The following KCNIP1 variants were observed in gnomAD, a reference collection of about 807,000 sequenced individuals.
KCNIP1 encodes A-type potassium channel modulatory protein KCNIP1.
Under a neutral mutation model 33.0 loss-of-function variants are expected in KCNIP1, and 18 were observed. The ratio of observed to expected loss-of-function variants is 0.55; its 90% CI spans 0.38 to 0.81. KCNIP1 has a LOEUF of 0.81. KCNIP1 is among the 30% of genes least tolerant of loss of function. The pLI is 0.00. For missense variants in KCNIP1, 238 were observed against 271.6 expected (o/e 0.88, Z 0.87); for synonymous variants, 93 against 98.3 (o/e 0.95, Z 0.32).
chr5:170,476,689 G>A (rs566470157), intron 1 of KCNIP1, among the ~76,000 whole-genome samples: 2 of 152,262 alleles, frequency 1.3e-5, no homozygotes, highest in Non-Finnish European at 2.9e-5. Flanking sequence ...GCAAATTTTG[G>A]TACAGAAAAT....
intron 1 of KCNIP1, among the ~76,000 whole-genome samples, chr5:170,444,129 G>T (rs111731398): frequency 2.6e-5 from 4 of 152,172 alleles, no homozygotes; most frequent in Non-Finnish European, 5.9e-5. Context: ...CAGAAACTTC[G>T]TGGCTTCAAA....
chr5:170,399,391 G>A (rs1028502096), intron 1 of KCNIP1, among the ~76,000 whole-genome samples: 3 of 152,122 alleles, frequency 2.0e-5, no homozygotes, highest in South Asian at 2.1e-4. Flanking sequence ...CACTCTAGTC[G>A]CATTTTATTA....
chr5:170,457,697 C>T (rs914750644), intron 1 of KCNIP1, among the ~76,000 whole-genome samples: 3 of 152,132 alleles, frequency 2.0e-5, no homozygotes, highest in Non-Finnish European at 4.4e-5. Context: ...TGAACAACAG[C>T]CTCGAGCCCT....
At chr5:170,631,588 T>A (rs1260224796) in intron 1 of KCNIP1, among the ~76,000 whole-genome samples, 4 of 152,254 alleles carry the variant, frequency 2.6e-5, no homozygotes, top group African/African-American at 9.6e-5. Context: ...GGAAGCTGTC[T>A]TCCACAGCAC....
At chr5:170,473,229 T>C (rs1360013697) in intron 1 of KCNIP1, among the ~76,000 whole-genome samples, 1 of 152,202 alleles carries the variant, frequency 6.6e-6, no homozygotes, top group Non-Finnish European at 1.5e-5. Context: ...TGTATATCTT[T>C]TTCTGAGAAT....
intron 1 of KCNIP1, among the ~76,000 whole-genome samples, chr5:170,577,956 AT>A (rs1295628198): frequency 6.6e-6 from 1 of 152,034 alleles, no homozygotes; most frequent in Non-Finnish European, 1.5e-5. Context: ...ATTTTTTGCT[AT>A]CCTAAAAAAA....
rs368754836 is a variant in KCNIP1 at position 170,435,342 on chromosome 5, A to G, written c.88+81378A>G. On this transcript the variant is annotated intron_variant, in intron 1 of 7. Coordinates refer to the KCNIP1 transcript ENST00000377360. ...TCCCCAGCTTCTGAGGTCTTTCTGG[A>G]CTCTGTTAGCATATTTCAGAGGTTC... Among the ~76,000 whole-genome samples, 17 of 152,210 alleles carry G rather than the reference A, an allele frequency of 1.1e-4. No homozygotes were observed. In the South Asian group the frequency reaches 3.5e-3, roughly 32 times the overall value.
chr5:170,594,622 T>C lies in KCNIP1; in HGVS notation c.61+89989T>C, dbSNP rs565761956. On this transcript the variant is annotated intron_variant, in intron 1 of 7. Coordinates refer to ENST00000328939, the MANE Select transcript of KCNIP1 (RefSeq NM_014592.4). ...GCCTCCCAGGTTCAAGCAATTCTCCTGCCTCAGCCTCCTGAGTAGCTGGGA... is the reference window on the plus strand; with the variant it reads ...GCCTCCCAGGTTCAAGCAATTCTCCCGCCTCAGCCTCCTGAGTAGCTGGGA... 8.9e-4 allele frequency among the ~76,000 whole-genome samples: 136 copies of C among 152,258 alleles called. 1 individual carries two copies. Among genetic ancestry groups the C allele is most frequent in the African/African-American group, 3.0e-3 (124 of 41,560 alleles).
intron 1 of KCNIP1, among the ~76,000 whole-genome samples, chr5:170,682,154 A>G (rs563087428): frequency 6.6e-6 from 1 of 152,352 alleles, no homozygotes; most frequent in Admixed American, 6.5e-5. Flanking sequence ...AAGACCAGAA[A>G]CTGAAGTGTA....
At chr5:170,630,307 C>A (rs773774232) in intron 1 of KCNIP1, among the ~76,000 whole-genome samples, 13 of 152,320 alleles carry the variant, frequency 8.5e-5, no homozygotes, top group African/African-American at 3.1e-4. Flanking sequence ...TGGGCAGCAC[C>A]GATGACTTAA....
At chr5:170,680,749 T>C (rs919229951) in intron 1 of KCNIP1, 1 of 222,798 alleles carries the variant, frequency 4.5e-6, no homozygotes, top group Non-Finnish European at 8.7e-6. Context: ...CGAGAGAATA[T>C]GCCATGAGAT....
chr5:170,515,087 A>G (rs13163443), intron 1 of KCNIP1, among the ~76,000 whole-genome samples: 13,511 of 152,202 alleles, frequency 0.089, 663 homozygotes, highest in Middle Eastern at 0.2. Context: ...AAGTGCCCCG[A>G]TGCCTGGTGG....
chr5:170,730,116 G>A (rs1391721040), intron 5 of KCNIP1, among the ~76,000 whole-genome samples: 1 of 151,904 alleles, frequency 6.6e-6, no homozygotes. Context: ...TGATAAAGTG[G>A]TATGTATGAT....
At chr5:170,617,676 C>T (rs1029720362) in intron 1 of KCNIP1, among the ~76,000 whole-genome samples, 1 of 152,196 alleles carries the variant, frequency 6.6e-6, no homozygotes, top group African/African-American at 2.4e-5. Context: ...TGCTCATTAG[C>T]ATATCAAAGG....
At chr5:170,413,153 T>C (rs1304566595) in intron 1 of KCNIP1, among the ~76,000 whole-genome samples, 1 of 152,134 alleles carries the variant, frequency 6.6e-6, no homozygotes, top group East Asian at 1.9e-4. Context: ...ACACAGGACA[T>C]TAGCTTGAGC....
At chr5:170,402,171 A>G (rs1009025942) in intron 1 of KCNIP1, among the ~76,000 whole-genome samples, 3 of 152,192 alleles carry the variant, frequency 2.0e-5, no homozygotes, top group Admixed American at 2.0e-4. Flanking sequence ...CACCCAGGTA[A>G]TCAAAGAAGA....
chr5:170,583,922 T>C (rs1048885531), intron 1 of KCNIP1, among the ~76,000 whole-genome samples: 1 of 152,216 alleles, frequency 6.6e-6, no homozygotes, highest in African/African-American at 2.4e-5. Context: ...CAGCATGTAA[T>C]GTGTAATGAT....
intron 1 of KCNIP1, among the ~76,000 whole-genome samples, chr5:170,444,014 A>G (rs2087534166): frequency 6.6e-6 from 1 of 152,240 alleles, no homozygotes; most frequent in African/African-American, 2.4e-5. Flanking sequence ...TTAATGTAGA[A>G]CATTTTGTAT....
intron 1 of KCNIP1, chr5:170,378,747 A>C: frequency 6.2e-7 from 1 of 1,614,096 alleles, no homozygotes; most frequent in Non-Finnish European, 8.5e-7. Flanking sequence ...GTTGCTCTTC[A>C]CCATGGCGAT....
Sources: allele counts gnomAD v4.1 joint callset (sites outside exome capture counted in the v4.1 genomes callset), GRCh38; gene constraint gnomAD v4.1.1; transcripts MANE v1.5; gene names NCBI Gene and HGNC (gene_info 2026-07-23, HGNC 2026-07-21).